Variants in MTHFD2L observed in about 807,000 individuals in gnomAD.
The protein encoded by MTHFD2L is methylenetetrahydrofolate dehydrogenase (NADP+ dependent) 2 like, also known as bifunctional methylenetetrahydrofolate dehydrogenase/cyclohydrolase 2, mitochondrial.
Under a neutral mutation model 34.9 loss-of-function variants are expected in MTHFD2L, and 29 were observed. The ratio of observed to expected loss-of-function variants is 0.83; its 90% CI spans 0.62 to 1.13. The LOEUF (loss-of-function observed/expected upper bound fraction) is 1.13. MTHFD2L is among the 50% of genes most tolerant of loss of function. The pLI is 0.00. For synonymous variants in MTHFD2L, 167 were observed against 155.7 expected, an observed-to-expected ratio of 1.07 and a Z score of -0.54; for missense variants, 481 against 446.5, an observed-to-expected ratio of 1.08 and a Z score of -0.70.
chr4:74,207,819 TA>T lies in MTHFD2L; in HGVS notation c.712+6451del, dbSNP rs201482794. Among the ~76,000 whole-genome samples, 68 of 139,766 alleles carry T rather than the reference TA, an allele frequency of 4.9e-4. No individual in the cohort carries two copies. In the East Asian group the frequency reaches 0.013, roughly 26 times the overall value. The allele number at this position is 139,766 out of a possible 152,430, so 91.7% of individuals were successfully genotyped here. On this transcript the variant is annotated intron_variant, in intron 5 of 7. Transcript: ENST00000325278. ...AGTTTTATCTCCCACCTACAGGACA[TA>T]ATAACACAGTAGTGGATGCTTGAGG...
intron 6 of MTHFD2L, among the ~76,000 whole-genome samples, chr4:74,256,845 C>T (rs757874596): frequency 1.3e-5 from 2 of 152,218 alleles, no homozygotes; most frequent in Admixed American, 6.5e-5. Context: ...GTTACTATGG[C>T]TGTATAGGTT....
chr4:74,288,863 CT>C (rs1300420694), intron 7 of MTHFD2L, among the ~76,000 whole-genome samples: 1 of 152,154 alleles, frequency 6.6e-6, no homozygotes, highest in Non-Finnish European at 1.5e-5. Context: ...AGATTTGATA[CT>C]TTTTGACCAT....
At chr4:74,155,937 T>C (rs928386166), upstream of MTHFD2L, among the ~76,000 whole-genome samples, 5 of 151,476 alleles carry the variant, frequency 3.3e-5, no homozygotes, top group African/African-American at 1.2e-4. Flanking sequence ...CTTTTACACA[T>C]CTAGATAAAA....
intron 5 of MTHFD2L, among the ~76,000 whole-genome samples, chr4:74,201,664 C>A (rs1734462301): frequency 1.3e-5 from 2 of 151,020 alleles, no homozygotes; most frequent in African/African-American, 4.9e-5. Flanking sequence ...GATTCACATG[C>A]CCTCAGGAAA....
chr4:74,135,357 G>A (rs1387646482), intron 1 of MTHFD2L, among the ~76,000 whole-genome samples: 1 of 152,070 alleles, frequency 6.6e-6, no homozygotes, highest in African/African-American at 2.4e-5. Context: ...AGAATCATTA[G>A]AAACAATTAG....
intron 1 of MTHFD2L, among the ~76,000 whole-genome samples, chr4:74,169,662 T>C (rs1727486996): frequency 6.6e-6 from 1 of 152,204 alleles, no homozygotes; most frequent in Non-Finnish European, 1.5e-5. Context: ...CTACTACCTA[T>C]AAATGAGTTG....
chr4:74,296,300 A>C (rs896209716), intron 7 of MTHFD2L, among the ~76,000 whole-genome samples: 1 of 152,162 alleles, frequency 6.6e-6, no homozygotes, highest in South Asian at 2.1e-4. Context: ...TGTGTTTTAA[A>C]GAATAACTCT....
chr4:74,141,593 G>C (rs1723278573), intron 1 of MTHFD2L, among the ~76,000 whole-genome samples: 1 of 152,114 alleles, frequency 6.6e-6, no homozygotes, highest in Non-Finnish European at 1.5e-5. Flanking sequence ...TTCATTCATT[G>C]AGAAACACTG....
chr4:74,240,693 G>C (rs950702823), intron 6 of MTHFD2L, among the ~76,000 whole-genome samples: 1 of 152,008 alleles, frequency 6.6e-6, no homozygotes, highest in African/African-American at 2.4e-5. Context: ...ATCATTTTCT[G>C]AATTCTCTAA....
chr4:74,213,219 G>C (rs535947563), intron 5 of MTHFD2L, among the ~76,000 whole-genome samples: 35 of 152,264 alleles, frequency 2.3e-4, no homozygotes, highest in Non-Finnish European at 2.4e-4. Flanking sequence ...ATTGTTATGT[G>C]TGAATTTGAT....
intron 6 of MTHFD2L, among the ~76,000 whole-genome samples, chr4:74,250,002 A>AT (rs1424341495): frequency 1.3e-5 from 1 of 75,174 alleles, no homozygotes; most frequent in Admixed American, 1.8e-4. Flanking sequence ...CGTTCTGTGT[A>AT]TTTCCTGAAT....
chr4:74,280,248 G>A (rs1560556598), intron 6 of MTHFD2L: 1 of 152,110 alleles, frequency 6.6e-6, no homozygotes, highest in African/African-American at 2.4e-5. Flanking sequence ...TATGACAGAA[G>A]TGACATTATG....
intron 5 of MTHFD2L, 130 bp from the exon 6 acceptor site, chr4:74,225,172 C>T: frequency 1.5e-6 from 1 of 687,430 alleles, no homozygotes; most frequent in African/African-American, 1.8e-5. Flanking sequence ...CTTTTGTGCT[C>T]AAAGTGATTT....
intron 7 of MTHFD2L, among the ~76,000 whole-genome samples, chr4:74,287,207 A>G (rs1748292520): frequency 6.6e-6 from 1 of 152,164 alleles, no homozygotes; most frequent in East Asian, 1.9e-4. Context: ...TTGCTTCCAG[A>G]TATTTTATGT....
chr4:74,251,724 A>G (rs543615951), intron 6 of MTHFD2L, among the ~76,000 whole-genome samples: 83 of 152,224 alleles, frequency 5.5e-4, no homozygotes, highest in Admixed American at 1.6e-3. Context: ...GGACATTCCT[A>G]TATCATAGTG....
chr4:74,224,812 C>T (rs1738880604), intron 5 of MTHFD2L, among the ~76,000 whole-genome samples: 1 of 152,122 alleles, frequency 6.6e-6, no homozygotes, highest in Non-Finnish European at 1.5e-5. Context: ...CACTTCTGCT[C>T]ATGCATTAAG....
intron 1 of MTHFD2L, among the ~76,000 whole-genome samples, chr4:74,131,974 AC>A (rs1722545457): frequency 2.0e-5 from 3 of 152,002 alleles, no homozygotes; most frequent in Admixed American, 2.0e-4. Flanking sequence ...GGCCAAAAAA[AC>A]ATATATAAAA....
chr4:74,157,950 C>A (rs1308255228), upstream of MTHFD2L: 2 of 904,548 alleles, frequency 2.2e-6, no homozygotes, highest in East Asian at 5.4e-5. Flanking sequence ...GCGGACCCGG[C>A]ACTCTGTCAG....
At chr4:74,162,656 T>G (rs1185579676) in intron 1 of MTHFD2L, among the ~76,000 whole-genome samples, 1 of 152,126 alleles carries the variant, frequency 6.6e-6, no homozygotes, top group African/African-American at 2.4e-5. Context: ...TTGCTGAGAT[T>G]TTGCATATAC....
Sources: gnomAD v4.1 joint callset for allele counts (sites outside exome capture counted in the v4.1 genomes callset) on GRCh38, gnomAD v4.1.1 for gene constraint, MANE v1.5 for transcripts, NCBI Gene and HGNC (gene_info 2026-07-23, HGNC 2026-07-21) for gene names.